Variants in NBPF11 observed in about 807,000 individuals in gnomAD.
The protein encoded by NBPF11 is NBPF member 11, also known as NBPF family member NBPF11.
In NBPF11, 72 loss-of-function variants were observed where a neutral mutation model predicts 93.9. The ratio of observed to expected loss-of-function variants is 0.77; its 90% CI spans 0.63 to 0.93. The LOEUF (loss-of-function observed/expected upper bound fraction) is 0.93. Among genes scored for constraint, NBPF11 ranks in the 40% least tolerant of loss-of-function variants. The probability of loss-of-function intolerance (pLI) is 0.00; values close to 1 mark genes in which losing one functional copy is unlikely to be tolerated. For synonymous variants in NBPF11, 224 were observed against 304.9 expected (o/e 0.73, Z 2.76); for missense variants, 705 against 802.2 (o/e 0.88, Z 1.46).
At chr1:148,115,635 T>C (rs1257454132) in intron 14 of NBPF11, among the ~76,000 whole-genome samples, 158 bp downstream of exon 14, 5 of 151,600 alleles carry the variant, frequency 3.3e-5, no homozygotes, top group Non-Finnish European at 5.9e-5. Context: ...AACAAAGGCA[T>C]GACATTAGCT....
At chr1:148,113,002 C>T (rs1167027434) in intron 15 of NBPF11, among the ~76,000 whole-genome samples, 27 of 151,952 alleles carry the variant, frequency 1.8e-4, no homozygotes, top group Admixed American at 3.3e-4. Context: ...CCGGTACCAG[C>T]CACTGCAAAA....
Position 148,103,926 on chromosome 1 carries a change from C to T in NBPF11, c.2582-14G>A. ...ACGCTGCTGAGCCTGGAAAAGGAGA[C>T]AAAACTAAAGAAGCAGCCAGGGAAA... On this transcript the variant is annotated splice_polypyrimidine_tract_variant and intron_variant, in intron 23 of 23. Transcript: ENST00000682118. The T allele has an allele frequency of 6.2e-7, 1 of 1,610,492 alleles. No individual in the cohort carries two copies.
chr1:148,118,758 G>T, intron 10 of NBPF11, 36 bp from the exon 11 acceptor site: 2 of 1,566,914 alleles, frequency 1.3e-6, no homozygotes, highest in South Asian at 1.1e-5. Context: ...TCAGTGGAAG[G>T]CTGGACATGC....
rs1346524513 is a variant in NBPF11 at position 148,108,651 on chromosome 1, G to C, written c.1857C>G (p.Leu619=). ...CTTTCTCATCCAGCAGCTCCCTGCTGAGCCTGGAAAAGTGGGAAAAAGTAA... is the reference window on the plus strand; with the variant it reads ...CTTTCTCATCCAGCAGCTCCCTGCTCAGCCTGGAAAAGTGGGAAAAAGTAA... ...KEDQEATGPR[L]SRELLDEKEP... Residue 619 remains leucine, a synonymous_variant, in exon 18 of 24, where the codon CTC becomes CTG. Transcript: ENST00000682118. The C allele has an allele frequency of 2.6e-5, 28 of 1,079,060 alleles. No homozygotes were observed. In the East Asian group the frequency reaches 3.8e-4, roughly 15 times the overall value. The allele number at this position is 1,079,060 out of a possible 1,614,324, so 66.8% of individuals were successfully genotyped here. A position where few individuals can be genotyped will look rare whatever the true frequency, so the allele number is the denominator to read the frequency against.
At chr1:148,135,127 C>CA (rs1194328516) in intron 4 of NBPF11, 2 of 146,932 alleles carry the variant, frequency 1.4e-5, no homozygotes, top group Non-Finnish European at 2.9e-5. Flanking sequence ...GAATTACCTC[C>CA]AAATGTTCCT....
chr1:148,115,677 T>A, intron 14 of NBPF11, 116 bp downstream of exon 14: 1 of 1,195,416 alleles, frequency 8.4e-7, no homozygotes, highest in South Asian at 1.4e-5. Context: ...TGATATCTGT[T>A]TAGAAACCCA....
In NBPF11 at chr1:148,126,917, T is replaced by A; in HGVS notation, c.87A>T (p.Ala29=). Residue 29 remains alanine (A), a synonymous_variant, in exon 5 of 24, where the codon GCA becomes GCT. Transcript: ENST00000682118. The part of the protein sequence containing the change: ...EINEKLRPQL[A]ENKQQFRNLK... ...GGTTTCTGAACTGCTGTTTGTTCTCTGCCAACTGGGGGCGCAATTTCTCGT... is the reference window on the plus strand; with the variant it reads ...GGTTTCTGAACTGCTGTTTGTTCTCAGCCAACTGGGGGCGCAATTTCTCGT... 2 of 1,279,674 alleles carry A rather than the reference T, an allele frequency of 1.6e-6. No homozygotes were observed. Among genetic ancestry groups the A allele is most frequent in the South Asian group, 1.2e-5 (1 of 83,948 alleles). The allele number at this position is 1,279,674 out of a possible 1,614,324, so 79.3% of individuals were successfully genotyped here. A position where few individuals can be genotyped will look rare whatever the true frequency, so the allele number is the denominator to read the frequency against.
chr1:148,121,348 C>CTTTTT (rs782740427), intron 9 of NBPF11, among the ~76,000 whole-genome samples: 3 of 124,854 alleles, frequency 2.4e-5, no homozygotes, highest in African/African-American at 3.1e-5. Context: ...TGGTCAGAGA[C>CTTTTT]TTTTTTTTTT....
At chr1:148,127,574 T>A (rs1365888314) in intron 4 of NBPF11, among the ~76,000 whole-genome samples, 1 of 124,268 alleles carries the variant, frequency 8.0e-6, no homozygotes, top group Admixed American at 7.9e-5. Flanking sequence ...GGTTATATTT[T>A]CTTAATGGTA....
intron 18 of NBPF11, among the ~76,000 whole-genome samples, chr1:148,108,063 T>G (rs1272523798): frequency 1.3e-5 from 2 of 150,286 alleles, no homozygotes; most frequent in African/African-American, 4.9e-5. Flanking sequence ...TGCCCCCAAA[T>G]GGTTGCTAGG....
At chr1:148,151,678 C>CG (rs1648396362) in intron 1 of NBPF11, 72 bp downstream of exon 1, 1 of 152,392 alleles carries the variant, frequency 6.6e-6, no homozygotes, top group East Asian at 1.9e-4. Flanking sequence ...CCCAGCCCGC[C>CG]GCGCCTCAGC....
At chr1:148,119,673 T>C (rs1476829343) in intron 10 of NBPF11, among the ~76,000 whole-genome samples, 4 of 152,018 alleles carry the variant, frequency 2.6e-5, no homozygotes, top group Non-Finnish European at 4.4e-5. Context: ...TTATTATTTT[T>C]TTTTAACAGT....
rs1666392445 is a variant in NBPF11, at chr1:148,115,837, G to C, written c.1541C>G (p.Ser514Ter). 1 of 1,585,392 alleles carries C rather than the reference G, an allele frequency of 6.3e-7. No homozygotes were observed. The highest frequency in any genetic ancestry group is 1.4e-5 in the African/African-American group (1 of 69,482). ...EDKVDSTLIGSSSHVEWEDAV... is the reference protein window; with the variant it reads ...EDKVDSTLIG ...ATCCTCCCATTCAACATGAGAGGAT[G>C]AGCCAATGAGAGTTGAGTCGACTTT... The change falls in exon 14 of 24, where the codon TCA becomes TGA. Residue 514 changes from serine (S) to a stop codon, truncating the protein, a stop_gained. Transcript: ENST00000682118. LOFTEE classifies it high-confidence loss of function.
Position 148,124,943 on chromosome 1 carries a change from C to T in NBPF11, c.234G>A (p.Lys78=), listed in dbSNP as rs1668748428. The change falls in exon 6 of 24, where the codon AAG becomes AAA. Residue 78 remains lysine (K), a synonymous_variant. Coordinates refer to ENST00000682118, the MANE Select transcript of NBPF11 (RefSeq NM_001385469.3). ...KFMLRNERQF[K]EEKLAEQLKQ... is the part of the protein sequence containing the mutation. ...TGAGCTGCTCTGCAAGCTTCTCCTC[C>T]TTGAACTGTCGCTCATTCCTCAGCA... 1 of 1,609,718 alleles carries T rather than the reference C, an allele frequency of 6.2e-7. No individual in the cohort carries two copies. The highest frequency in any genetic ancestry group is 1.3e-5 in the African/African-American group (1 of 74,824).
At chr1:148,138,479 G>A (rs1350844122) in intron 2 of NBPF11, among the ~76,000 whole-genome samples, 3 of 151,920 alleles carry the variant, frequency 2.0e-5, no homozygotes, top group African/African-American at 4.9e-5. Flanking sequence ...ACAATACCTG[G>A]CTTTCCTAGG....
At chr1:148,111,886 C>T in intron 15 of NBPF11, among the ~76,000 whole-genome samples, 1 of 150,714 alleles carries the variant, frequency 6.6e-6, no homozygotes, top group East Asian at 2.0e-4. Context: ...CATTCAAATT[C>T]AGGAAACACA....
chr1:148,139,217 C>A (rs1341071357), intron 2 of NBPF11, among the ~76,000 whole-genome samples: 19 of 150,878 alleles, frequency 1.3e-4, no homozygotes, highest in Admixed American at 2.0e-4. Context: ...GCTCACCAGA[C>A]AAGGTTTGGT....
intron 15 of NBPF11, among the ~76,000 whole-genome samples, chr1:148,113,304 C>T (rs796613658): frequency 0.14 from 20,363 of 150,440 alleles, 1,568 homozygotes; most frequent in East Asian, 0.28. Context: ...AGCAAAAAAA[C>T]GCAGGGGTTG....
At chr1:148,129,335 T>A (rs1263265043) in intron 4 of NBPF11, among the ~76,000 whole-genome samples, 1 of 148,908 alleles carries the variant, frequency 6.7e-6, no homozygotes, top group Non-Finnish European at 1.5e-5. Flanking sequence ...TTTTCTTTTT[T>A]AAGTGGCGGA....
Sources: gnomAD v4.1 joint callset for allele counts (sites outside exome capture counted in the v4.1 genomes callset) on GRCh38, gnomAD v4.1.1 for gene constraint, MANE v1.5 for transcripts, NCBI Gene and HGNC (gene_info 2026-07-23, HGNC 2026-07-21) for gene names.